CSTF2: variants seen among roughly 807,000 people sequenced by gnomAD.
CSTF2 encodes the protein cleavage stimulation factor subunit 2.
A neutral mutation model predicts 45.4 loss-of-function variants in CSTF2; 8 were observed. The ratio of observed to expected loss-of-function variants is 0.18; its 90% CI spans 0.10 to 0.32. The LOEUF (loss-of-function observed/expected upper bound fraction) is 0.32. Among genes scored for constraint, CSTF2 ranks in the 10% least tolerant of loss-of-function variants. CSTF2 has a pLI of 1.00. For synonymous variants in CSTF2, 155 were observed against 158.9 expected, an observed-to-expected ratio of 0.98 and a Z score of 0.18; for missense variants, 253 against 477.1, an observed-to-expected ratio of 0.53 and a Z score of 4.38.
chrX:100,830,686 A>T, intron 8 of CSTF2: 1 of 523,129 alleles, frequency 1.9e-6, no homozygotes, highest in Non-Finnish European at 3.1e-6. Flanking sequence ...CAAGCCGATG[A>T]ACTCTTGGCT....
At chrX:100,826,009 T>G (rs1199943744) in intron 6 of CSTF2, among the ~76,000 whole-genome samples, 6 of 111,597 alleles carry the variant, frequency 5.4e-5, no homozygotes, top group Non-Finnish European at 1.1e-4. Context: ...TAACTTGGCT[T>G]TTATTCTTTA....
At chrX:100,820,776 C>G (rs1408454308) in intron 1 of CSTF2, 5 of 418,829 alleles carry the variant, frequency 1.2e-5, no homozygotes, top group Non-Finnish European at 2.2e-5. Context: ...CCTCACTGTC[C>G]CGTACTACTT....
intron 11 of CSTF2, among the ~76,000 whole-genome samples, chrX:100,833,794 A>G (rs1202900032): frequency 8.9e-6 from 1 of 111,945 alleles, no homozygotes; most frequent in Non-Finnish European, 1.9e-5. Context: ...TCCAAGATAT[A>G]CTTGCCCGGA....
intron 11 of CSTF2, among the ~76,000 whole-genome samples, chrX:100,836,077 A>T (rs2085006621): frequency 8.9e-6 from 1 of 112,273 alleles, no homozygotes; most frequent in Admixed American, 9.4e-5. Context: ...GATAATGAAC[A>T]GAACAGTGAT....
At chrX:100,828,141 A>G (rs1315471933) in intron 8 of CSTF2, 39 bp downstream of exon 8, 2 of 1,069,617 alleles carry the variant, frequency 1.9e-6, no homozygotes, top group Admixed American at 2.4e-5. Context: ...TTAATTGGTC[A>G]TGGAAGTGTT....
chrX:100,835,567 C>CTT (rs2085003648), intron 11 of CSTF2, among the ~76,000 whole-genome samples: 9 of 101,057 alleles, frequency 8.9e-5, no homozygotes, highest in Admixed American at 8.8e-4. Context: ...TTTAACTTAA[C>CTT]AACATGTCCT....
chrX:100,839,240 C>T (rs1435128445), intron 13 of CSTF2, among the ~76,000 whole-genome samples: 12 of 97,003 alleles, frequency 1.2e-4, no homozygotes, highest in Non-Finnish European at 2.0e-4. Context: ...CAGAGTGAGA[C>T]TCTGTGTCAA....
At chrX:100,837,745 C>T (rs1454809663) in intron 12 of CSTF2, among the ~76,000 whole-genome samples, 1 of 112,066 alleles carries the variant, frequency 8.9e-6, no homozygotes, top group African/African-American at 3.2e-5. Context: ...AAAATCCACA[C>T]CCTTTTTCCT....
At chrX:100,824,054 G>A in intron 5 of CSTF2, 49 bp downstream of exon 5, 1 of 1,208,627 alleles carries the variant, frequency 8.3e-7, no homozygotes. Flanking sequence ...AACCTTGAAT[G>A]GGATAGGAAC....
rs749298228 is a variant in CSTF2, at chrX:100,826,623, T to C, written c.703-11T>C. 7 of 1,209,647 alleles carry C rather than the reference T, an allele frequency of 5.8e-6. No individual in the cohort carries two copies. In the East Asian group the frequency reaches 1.8e-4, roughly 31 times the overall value. The stretch of plus-strand genomic sequence containing the variant: ...AGGCATATACATACTCTGTTTTTTT[T>C]GCTTGGTCAGGGTGGAATGCATGTC... On this transcript the variant is annotated splice_polypyrimidine_tract_variant and intron_variant, in intron 6 of 13. Coordinates refer to ENST00000372972, the MANE Select transcript of CSTF2 (RefSeq NM_001325.3).
chrX:100,832,667 T>G, intron 9 of CSTF2, 67 bp from the exon 10 acceptor site: 1 of 988,490 alleles, frequency 1.0e-6, no homozygotes, highest in Non-Finnish European at 1.4e-6. Flanking sequence ...GTTTACTTAC[T>G]GATCTGGTTG....
At chrX:100,838,059 T>A (rs2085019536) in intron 12 of CSTF2, among the ~76,000 whole-genome samples, 180 bp from the exon 13 acceptor site, 1 of 111,332 alleles carries the variant, frequency 9.0e-6, no homozygotes, top group Admixed American at 9.6e-5. Flanking sequence ...ATTTTTTATT[T>A]TTTTTGGAGG....
chrX:100,827,910 T>C, intron 7 of CSTF2, 130 bp from the exon 8 acceptor site: 1 of 448,062 alleles, frequency 2.2e-6, no homozygotes, highest in Non-Finnish European at 3.8e-6. Flanking sequence ...ATTGCATTGT[T>C]GAATATCTTC....
intron 11 of CSTF2, among the ~76,000 whole-genome samples, chrX:100,836,065 T>C (rs928345469): frequency 2.6e-4 from 29 of 112,063 alleles, no homozygotes; most frequent in African/African-American, 9.1e-4. Flanking sequence ...GGTTTCAGTA[T>C]TGATAATGAA....
In CSTF2 at chrX:100,820,402, C is replaced by T. The variant is rs369652518; in HGVS notation, c.-15C>T. On this transcript the variant is annotated 5_prime_UTR_variant, in exon 1 of 14. Coordinates refer to ENST00000372972, the MANE Select transcript of CSTF2 (RefSeq NM_001325.3). ...AAGTGTGCTTTGGCGCACCGGAAGC[C>T]GACTCAACAGAGCTATGGCGGGTTT... is the stretch of plus-strand genomic sequence containing the variant. The T allele has an allele frequency of 1.5e-5, 18 of 1,209,625 alleles. No individual in the cohort carries two copies. In the African/African-American group the frequency reaches 2.3e-4, roughly 15 times the overall value.
intron 8 of CSTF2, among the ~76,000 whole-genome samples, chrX:100,829,496 G>GAA (rs1460220451): frequency 1.8e-5 from 2 of 110,142 alleles, no homozygotes; most frequent in African/African-American, 3.3e-5. Context: ...CTGTCTCAAA[G>GAA]AATATATATA....
intron 8 of CSTF2, chrX:100,830,966 C>A: frequency 1.4e-6 from 1 of 693,018 alleles, no homozygotes; most frequent in South Asian, 2.6e-5. Flanking sequence ...CGTTCAGAAC[C>A]CAAAAGGGTA....
chrX:100,828,132 T>G, intron 8 of CSTF2, 30 bp downstream of exon 8: 1 of 1,111,639 alleles, frequency 9.0e-7, no homozygotes, highest in Non-Finnish European at 1.2e-6. Context: ...TGACTAATGT[T>G]AATTGGTCAT....
rs141539257 is a variant in CSTF2 at position 100,828,026 on chromosome X, C to A, written c.827-14C>A. On this transcript the variant is annotated splice_polypyrimidine_tract_variant and intron_variant, in intron 7 of 13. Coordinates refer to ENST00000372972, the MANE Select transcript of CSTF2 (RefSeq NM_001325.3). ...CTAATTGGTGTTTTTTCTTGTCTGC[C>A]CTTTATCTTCTAGGAGGAATGCAGG... 10 of 1,196,720 alleles carry A rather than the reference C, an allele frequency of 8.4e-6. No individual in the cohort carries two copies. Among genetic ancestry groups the A allele is most frequent in the Middle Eastern group, 2.3e-4 (1 of 4,333 alleles).
Sources: allele counts gnomAD v4.1 joint callset (sites outside exome capture counted in the v4.1 genomes callset), GRCh38; gene constraint gnomAD v4.1.1; transcripts MANE v1.5; gene names NCBI Gene and HGNC (gene_info 2026-07-23, HGNC 2026-07-21).